The following TPD52 variants were observed in gnomAD, a reference collection of about 807,000 sequenced individuals.
The protein encoded by TPD52 is prostate and colon associated protein.
In TPD52, 17 loss-of-function variants were observed where a neutral mutation model predicts 31.3. The ratio of observed to expected loss-of-function variants is 0.54; its 90% CI spans 0.37 to 0.82. TPD52 has a LOEUF of 0.82. TPD52 is among the 40% of genes least tolerant of loss of function. The probability of loss-of-function intolerance (pLI) is 0.00; values close to 1 mark genes in which losing one functional copy is unlikely to be tolerated. For missense variants in TPD52, 212 were observed against 240.1 expected (o/e 0.88, Z 0.77); for synonymous variants, 83 against 89.6 (o/e 0.93, Z 0.42).
At position 80,061,882 on chromosome 8, in the gene TPD52, C is replaced by T. The variant is rs189324460; in HGVS notation, c.135+2596G>A. Among the ~76,000 whole-genome samples the T allele has an allele frequency of 1.8e-4, 28 of 152,162 alleles. No homozygotes were observed. The Middle Eastern group carries it at 0.01, about 55-fold the overall frequency. On this transcript the variant is annotated intron_variant, in intron 2 of 7. Transcript: ENST00000518937. ...AATATAACTAAGGAAGTATAAGACT[C>T]GTACATAGAAAAATGTTTTGTACAT...
intron 1 of TPD52, among the ~76,000 whole-genome samples, chr8:80,163,522 A>C (rs1019888809): frequency 1.3e-5 from 2 of 152,208 alleles, no homozygotes; most frequent in Non-Finnish European, 2.9e-5. Context: ...CATTTTGAAA[A>C]ATGAAAAAGT....
chr8:80,100,985 T>A (rs927700271), intron 1 of TPD52, among the ~76,000 whole-genome samples: 2 of 152,206 alleles, frequency 1.3e-5, no homozygotes, highest in African/African-American at 4.8e-5. Context: ...AGTCCACACA[T>A]ACATTTAACC....
chr8:80,119,104 C>T (rs1466233932), intron 1 of TPD52, among the ~76,000 whole-genome samples: 2 of 152,170 alleles, frequency 1.3e-5, no homozygotes, highest in Non-Finnish European at 2.9e-5. Context: ...TAAGTAATGA[C>T]AGATGCTACT....
Position 80,042,664 on chromosome 8 carries a change from A to G in TPD52, c.460T>C (p.Ser154Pro), listed in dbSNP as rs1458458259. The G allele has an allele frequency of 6.2e-7, 1 of 1,611,718 alleles. No individual in the cohort carries two copies. Among genetic ancestry groups the G allele is most frequent in the Non-Finnish European group, 8.5e-7 (1 of 1,179,166 alleles). ...HSISMPAMRN[S>P]PTFKSFEEKV... ...TCTTCAAATGATTTAAAAGTTGGGG[A>G]GTTTCTATGGAGAGAAAAGAAAAAC... The change falls in exon 7 of 8, where the codon TCC becomes CCC. Residue 154 changes from serine to proline, a missense_variant. By Grantham distance (74) the Ser-to-Pro change is moderately conservative. Transcript: ENST00000518937.
downstream of TPD52, chr8:80,033,185 C>G (rs975948872): frequency 2.6e-5 from 4 of 152,434 alleles, no homozygotes; most frequent in African/African-American, 9.6e-5. Flanking sequence ...ATGCCAGCAA[C>G]CTCAGAGTCC....
intron 1 of TPD52, among the ~76,000 whole-genome samples, chr8:80,162,637 GA>G (rs1055478060): frequency 2.7e-5 from 4 of 146,874 alleles, no homozygotes; most frequent in African/African-American, 7.5e-5. Flanking sequence ...AAAGAGAAAA[GA>G]AAAAAAAGAC....
chr8:80,054,023 C>G (rs1563575133), intron 2 of TPD52, among the ~76,000 whole-genome samples: 1 of 152,158 alleles, frequency 6.6e-6, no homozygotes, highest in Non-Finnish European at 1.5e-5. Flanking sequence ...TCCCTGCTCT[C>G]AAGGGTTTCA....
chr8:80,161,732 A>T (rs2370365), intron 1 of TPD52, among the ~76,000 whole-genome samples: 8,190 of 72,316 alleles, frequency 0.11, 278 homozygotes, highest in Non-Finnish European at 0.13. Context: ...ATATATATAT[A>T]TTTTTTTTTT....
intron 4 of TPD52, 112 bp downstream of exon 4, chr8:80,051,415 C>G: frequency 1.0e-6 from 1 of 990,228 alleles, no homozygotes; most frequent in Non-Finnish European, 1.6e-6. Context: ...CTCCCTCACT[C>G]TAACAGGAGT....
chr8:80,077,262 A>T (rs1814679780), intron 1 of TPD52, among the ~76,000 whole-genome samples: 1 of 146,378 alleles, frequency 6.8e-6, no homozygotes, highest in African/African-American at 2.5e-5. Flanking sequence ...GCGACAGAGC[A>T]AGACTCTGTC....
chr8:80,085,714 C>G (rs532441260), intron 1 of TPD52, among the ~76,000 whole-genome samples: 1 of 152,146 alleles, frequency 6.6e-6, no homozygotes, highest in Admixed American at 6.5e-5. Context: ...AAGAATGCCA[C>G]CCTGACCATC....
At chr8:80,051,366 C>T in intron 4 of TPD52, 161 bp downstream of exon 4, 1 of 625,282 alleles carries the variant, frequency 1.6e-6, no homozygotes, top group Non-Finnish European at 2.8e-6. Flanking sequence ...CCTAGAAGAC[C>T]TTAGATGAGC....
intron 1 of TPD52, among the ~76,000 whole-genome samples, chr8:80,084,314 C>G (rs760243786): frequency 3.8e-4 from 58 of 152,344 alleles, no homozygotes; most frequent in Admixed American, 1.3e-3. Flanking sequence ...ACGCAGACAC[C>G]CCATCCCCTT....
chr8:80,037,870 C>T lies in TPD52; in HGVS notation c.*246G>A. ...TCATTATAGTGAATGTCCCCATTTA[C>T]TATAAGTGTTTTTATAATGGTGTTT... On this transcript the variant is annotated 3_prime_UTR_variant, in exon 8 of 8. Transcript: ENST00000518937. 1 of 382,728 alleles carries T rather than the reference C, an allele frequency of 2.6e-6. No homozygotes were observed. The highest frequency in any genetic ancestry group is 4.7e-6 in the Non-Finnish European group (1 of 214,376). 23.7% of individuals were successfully genotyped at this position (382,728 alleles called of 1,614,324 possible). A position where few individuals can be genotyped will look rare whatever the true frequency, so the allele number is the denominator to read the frequency against.
chr8:80,163,525 GA>G (rs780687556), intron 1 of TPD52, among the ~76,000 whole-genome samples: 1 of 152,150 alleles, frequency 6.6e-6, no homozygotes, highest in Non-Finnish European at 1.5e-5. Context: ...TTTGAAAAAT[GA>G]AAAAGTTTCA....
chr8:80,061,805 T>A (rs761715945), intron 2 of TPD52, among the ~76,000 whole-genome samples: 10 of 151,910 alleles, frequency 6.6e-5, no homozygotes, highest in South Asian at 2.1e-4. Context: ...AAAGAAAATT[T>A]AAAAAAAATC....
At chr8:80,041,230 G>C (rs1023673047) in intron 7 of TPD52, among the ~76,000 whole-genome samples, 9 of 152,068 alleles carry the variant, frequency 5.9e-5, no homozygotes, top group African/African-American at 1.9e-4. Context: ...ACCGTGGCAC[G>C]TGTATACCTA....
intron 1 of TPD52, among the ~76,000 whole-genome samples, chr8:80,161,984 C>T (rs1811396303): frequency 6.6e-6 from 1 of 152,130 alleles, no homozygotes. Flanking sequence ...CCACTTCAGC[C>T]TCCCAAAGTG....
intron 1 of TPD52, among the ~76,000 whole-genome samples, chr8:80,142,639 T>C (rs1809915402): frequency 2.0e-5 from 3 of 151,780 alleles, no homozygotes; most frequent in South Asian, 4.2e-4. Context: ...GAGGTGGAGG[T>C]TGAAGTGAGT....
Sources: gnomAD v4.1 joint callset for allele counts (sites outside exome capture counted in the v4.1 genomes callset) on GRCh38, gnomAD v4.1.1 for gene constraint, MANE v1.5 for transcripts, NCBI Gene and HGNC (gene_info 2026-07-23, HGNC 2026-07-21) for gene names.